The following SPN variants were observed in gnomAD, a reference collection of about 807,000 sequenced individuals.
The protein encoded by SPN is sialophorin, also known as leukosialin.
A neutral mutation model predicts 8.4 loss-of-function variants in SPN; 6 were observed. The observed-to-expected ratio is 0.72, with a 90% CI of 0.39 to 1.42. The LOEUF is 1.42. Ranked by LOEUF, SPN falls within the 40% of genes most tolerant of loss-of-function variation. The pLI, the probability that SPN is intolerant of heterozygous loss-of-function variation, is 0.02. For synonymous variants in SPN, 201 were observed against 222.6 expected, an observed-to-expected ratio of 0.90 and a Z score of 0.86; for missense variants, 517 against 530.6, an observed-to-expected ratio of 0.97 and a Z score of 0.25.
rs368719670 is a variant in SPN at position 29,664,615 on chromosome 16, G to A, written c.887G>A (p.Arg296His). The A allele has an allele frequency of 2.8e-5, 44 of 1,596,806 alleles. No homozygotes were observed. Among genetic ancestry groups the A allele is most frequent in the Non-Finnish European group, 3.2e-5 (37 of 1,171,868 alleles). The change falls in exon 2 of 2, where the codon CGT (arginine) becomes CAT (histidine). Residue 296 changes from arginine to histidine, a missense_variant. Arg to His is a conservative substitution (Grantham distance 29). Coordinates refer to ENST00000652691, the MANE Select transcript of SPN (RefSeq NM_003123.6). The surrounding 1 kb of genome is among the most constrained non-coding windows in gnomAD (Gnocchi z 6.4). ...GALVLSRGGK[R>H]NGVVDAWAGP... ...CTCGTGCTGAGCAGAGGCGGCAAGC[G>A]TAACGGGGTGGTGGACGCCTGGGCT... is the stretch of plus-strand genomic sequence containing the variant.
In SPN at chr16:29,668,567, T is replaced by C. The variant is rs934155767; in HGVS notation, c.*3636T>C. The stretch of plus-strand genomic sequence containing the variant: ...GCCTCAACCTCCTGGGCCTCCCAAG[T>C]AGCTGCGATCACAGGTGTGCACCAA... On this transcript the variant is annotated 3_prime_UTR_variant, in exon 2 of 2. Coordinates refer to ENST00000652691, the MANE Select transcript of SPN (RefSeq NM_003123.6). 6.5e-6 allele frequency: 1 copy of C among 153,758 alleles called. No individual in the cohort carries two copies. The highest frequency in any genetic ancestry group is 2.4e-5 in the African/African-American group (1 of 41,404). The allele number at this position is 153,758 out of a possible 1,614,324, so 9.5% of individuals were successfully genotyped here. A position where few individuals can be genotyped will look rare whatever the true frequency, so the allele number is the denominator to read the frequency against.
Position 29,666,641 on chromosome 16 carries a change from C to A in SPN, c.*1710C>A. On this transcript the variant is annotated 3_prime_UTR_variant, in exon 2 of 2. Transcript: ENST00000652691. ...GGGACTGGTCTGGCTGGCGCTTCCC[C>A]ACTGCACGTTTCCAGGTTTAGTTTG... 1 of 314,554 alleles carries A rather than the reference C, an allele frequency of 3.2e-6. No individual in the cohort carries two copies. The highest frequency in any genetic ancestry group is 6.7e-6 in the Non-Finnish European group (1 of 149,314). The allele number at this position is 314,554 out of a possible 1,614,324, so 19.5% of individuals were successfully genotyped here.
chr16:29,665,716 C>T lies in SPN; in HGVS notation c.*785C>T, dbSNP rs1249084187. ...TCCTAGGATTAACTTTGTAAAGCAC[C>T]CTTGCCCTGTAGCTGCAAGGGCTGT... On this transcript the variant is annotated 3_prime_UTR_variant, in exon 2 of 2. Transcript: ENST00000652691. The T allele has an allele frequency of 2.4e-5, 4 of 167,202 alleles. No individual in the cohort carries two copies. 10.4% of individuals were successfully genotyped at this position (167,202 alleles called of 1,614,324 possible).
Position 29,667,810 on chromosome 16 carries a change from CACAA to C in SPN, c.*2883_*2886del, listed in dbSNP as rs1210726255. The C allele has an allele frequency of 3.1e-5, 5 of 162,020 alleles. No homozygotes were observed. Among genetic ancestry groups the C allele is most frequent in the South Asian group, 2.1e-4 (1 of 4,820 alleles). 10.0% of individuals were successfully genotyped at this position (162,020 alleles called of 1,614,324 possible). A position where few individuals can be genotyped will look rare whatever the true frequency, so the allele number is the denominator to read the frequency against. ...ATAAATAAAATAAATAAAAGAGAGG[CACAA>C]ACAGTGTTATGAATGCACCAAGGAA... On this transcript the variant is annotated 3_prime_UTR_variant, in exon 2 of 2. Transcript: ENST00000652691.
chr16:29,666,552 A>ACCCGCGCG lies in SPN; in HGVS notation c.*1622_*1623insCCGCGCGC, dbSNP rs139174583. On this transcript the variant is annotated 3_prime_UTR_variant, in exon 2 of 2. Transcript: ENST00000652691. Reference sequence around the variant, plus strand: ...CACACACACACACACACACACACACACGCGCGCGCGCGCGCGCTCTCCTGC... The same window carrying ACCCGCGCG: ...CACACACACACACACACACACACACACCCGCGCGCGCGCGCGCGCGCGCGCTCTCCTGC... 1 of 141,258 alleles carries ACCCGCGCG rather than the reference A, an allele frequency of 7.1e-6. No homozygotes were observed. The highest frequency in any genetic ancestry group is 2.7e-4 in the South Asian group (1 of 3,696). 8.8% of individuals were successfully genotyped at this position (141,258 alleles called of 1,614,324 possible).
At position 29,664,435 on chromosome 16, in the gene SPN, C is replaced by T; in HGVS notation, c.707C>T (p.Thr236Ile). ...VKLSTMMSPT[T>I]STNASTVPFR... ...CTATCTACAATGATGTCTCCAACGA[C>T]CTCCACCAACGCAAGCACTGTGCCC... The change falls in exon 2 of 2, where the codon ACC becomes ATC. Residue 236 changes from threonine (T) to isoleucine (I), a missense_variant. Transcript: ENST00000652691. This position sits in a 1 kb window ranked among gnomAD's most constrained non-coding sequence, Gnocchi z 6.4. The T allele has an allele frequency of 6.2e-7, 1 of 1,614,204 alleles. No individual in the cohort carries two copies. Among genetic ancestry groups the T allele is most frequent in the Non-Finnish European group, 8.5e-7 (1 of 1,180,040 alleles).
At position 29,664,593 on chromosome 16, in the gene SPN, G is replaced by C; in HGVS notation, c.865G>C (p.Val289Leu). The change falls in exon 2 of 2, where the codon GTG becomes CTG. Residue 289 changes from valine to leucine, a missense_variant. By Grantham distance (32) the Val-to-Leu change is conservative. Coordinates refer to ENST00000652691, the MANE Select transcript of SPN (RefSeq NM_003123.6). The surrounding 1 kb of genome is among the most constrained non-coding windows in gnomAD (Gnocchi z 6.4). Reference protein sequence around the residue: ...RRQKRRTGALVLSRGGKRNGV... With the variant: ...RRQKRRTGALLLSRGGKRNGV... ...GCAGAAGCGGCGGACTGGGGCCCTC[G>C]TGCTGAGCAGAGGCGGCAAGCGTAA... The C allele has an allele frequency of 6.2e-7, 1 of 1,610,140 alleles. No homozygotes were observed. Among genetic ancestry groups the C allele is most frequent in the Non-Finnish European group, 8.5e-7 (1 of 1,178,394 alleles).
rs895006139 is a variant in SPN, at chr16:29,670,480, C to T, written c.*5549C>T. On this transcript the variant is annotated 3_prime_UTR_variant, in exon 2 of 2. Transcript: ENST00000652691. ...CTCTAGTCTGGGCGACAGAGCAAGACTCCGTCTTGGAAAAAAATTTAAAAA... is the reference window on the plus strand; with the variant it reads ...CTCTAGTCTGGGCGACAGAGCAAGATTCCGTCTTGGAAAAAAATTTAAAAA... 4 of 183,206 alleles carry T rather than the reference C, an allele frequency of 2.2e-5. No homozygotes were observed. In the South Asian group the frequency reaches 3.7e-4, roughly 17 times the overall value. 11.3% of individuals were successfully genotyped at this position (183,206 alleles called of 1,614,324 possible).
At position 29,667,991 on chromosome 16, in the gene SPN, C is replaced by T. The variant is rs117034506; in HGVS notation, c.*3060C>T. ...ATGTGTGTGCGCATGTGTGTGTGTG[C>T]GCGCATGTGTGTGTGCATGCATGTT... On this transcript the variant is annotated 3_prime_UTR_variant, in exon 2 of 2. Coordinates refer to ENST00000652691, the MANE Select transcript of SPN (RefSeq NM_003123.6). The T allele has an allele frequency of 8.2e-3, 1,357 of 165,962 alleles. 11 individuals carry two copies. The highest frequency in any genetic ancestry group is 0.027 in the Middle Eastern group (8 of 296). 10.3% of individuals were successfully genotyped at this position (165,962 alleles called of 1,614,324 possible).
upstream of SPN, chr16:29,663,142 T>TCGCCCAGCAGCTGTGGGAGCAGG (rs1257730330): frequency 7.1e-6 from 1 of 140,162 alleles, no homozygotes; most frequent in Non-Finnish European, 1.5e-5. This position sits in a 1 kb window ranked among gnomAD's most constrained non-coding sequence, Gnocchi z 4.3. Flanking sequence ...GGTGCTGTCT[T>TCGCCCAGCAGCTGTGGGAGCAGG]CGCCCAGCAG....
Position 29,665,009 on chromosome 16 carries a change from C to T in SPN, c.*78C>T. 1 of 1,274,828 alleles carries T rather than the reference C, an allele frequency of 7.8e-7. No individual in the cohort carries two copies. Among genetic ancestry groups the T allele is most frequent in the Non-Finnish European group, 1.0e-6 (1 of 1,003,304 alleles). 79.0% of individuals were successfully genotyped at this position (1,274,828 alleles called of 1,614,324 possible). On this transcript the variant is annotated 3_prime_UTR_variant, in exon 2 of 2. Coordinates refer to ENST00000652691, the MANE Select transcript of SPN (RefSeq NM_003123.6). ...CTTCCCTCTCACCATCCCACTGCCC[C>T]CTCGCTCCCATGTTTCCACCCGGCA...
At position 29,664,245 on chromosome 16, in the gene SPN, A is replaced by C; in HGVS notation, c.517A>C (p.Thr173Pro). The stretch of plus-strand genomic sequence containing the variant: ...CTCTGGACCCCCTCTTACCATGGCA[A>C]CTGTCTCTCTGGAGACTTCCAAAGG... ...GTSGPPLTMA[T>P]VSLETSKGTS... Residue 173 changes from threonine to proline, a missense_variant, in exon 2 of 2, where the codon ACT becomes CCT. Physicochemically the swap from Thr to Pro is conservative, Grantham distance 38. Coordinates refer to ENST00000652691, the MANE Select transcript of SPN (RefSeq NM_003123.6). The surrounding 1 kb of genome is among the most constrained non-coding windows in gnomAD (Gnocchi z 6.4). 1.2e-6 allele frequency: 2 copies of C among 1,613,462 alleles called. No individual in the cohort carries two copies. The highest frequency in any genetic ancestry group is 1.7e-6 in the Non-Finnish European group (2 of 1,179,802).
In SPN at chr16:29,670,873, A is replaced by G. The variant is rs1966851179; in HGVS notation, c.*5942A>G. The G allele has an allele frequency of 4.4e-6, 2 of 450,650 alleles. No individual in the cohort carries two copies. The highest frequency in any genetic ancestry group is 8.9e-6 in the Non-Finnish European group (2 of 223,884). 27.9% of individuals were successfully genotyped at this position (450,650 alleles called of 1,614,324 possible). A position where few individuals can be genotyped will look rare whatever the true frequency, so the allele number is the denominator to read the frequency against. ...ATATCTGTTACTTTTACAATATGAA[A>G]AAATAGTGGTCAAAAAGGTGTTCAA... On this transcript the variant is annotated 3_prime_UTR_variant, in exon 2 of 2. Coordinates refer to ENST00000652691, the MANE Select transcript of SPN (RefSeq NM_003123.6).
rs765053582 is a variant in SPN at position 29,666,568 on chromosome 16, G to GCGCGCT, written c.*1638_*1639insGCGCTC. The GCGCGCT allele has an allele frequency of 1.7e-5, 4 of 239,352 alleles. No homozygotes were observed. Among genetic ancestry groups the GCGCGCT allele is most frequent in the South Asian group, 1.4e-4 (2 of 14,670 alleles). The allele number at this position is 239,352 out of a possible 1,614,324, so 14.8% of individuals were successfully genotyped here. A position where few individuals can be genotyped will look rare whatever the true frequency, so the allele number is the denominator to read the frequency against. On this transcript the variant is annotated 3_prime_UTR_variant, in exon 2 of 2. Coordinates refer to ENST00000652691, the MANE Select transcript of SPN (RefSeq NM_003123.6). ...CACACACACACGCGCGCGCGCGCGCGCTCTCCTGCGAACAGAGGCAGGGGG... is the reference window on the plus strand; with the variant it reads ...CACACACACACGCGCGCGCGCGCGCGCGCGCTCTCTCCTGCGAACAGAGGCAGGGGG...
Position 29,663,616 on chromosome 16 carries a change from G to C in SPN, c.-34-79G>C. 1 of 1,442,000 alleles carries C rather than the reference G, an allele frequency of 6.9e-7. No individual in the cohort carries two copies. Among genetic ancestry groups the C allele is most frequent in the Non-Finnish European group, 9.2e-7 (1 of 1,082,820 alleles). 89.3% of individuals were successfully genotyped at this position (1,442,000 alleles called of 1,614,324 possible). A position where few individuals can be genotyped will look rare whatever the true frequency, so the allele number is the denominator to read the frequency against. On this transcript the variant is annotated intron_variant, in intron 1 of 1. Coordinates refer to ENST00000652691, the MANE Select transcript of SPN (RefSeq NM_003123.6). The surrounding 1 kb of genome is among the most constrained non-coding windows in gnomAD (Gnocchi z 4.3). ...GCAGGTTGGGCCTGGCCGTTGGCAG[G>C]GAAGTGGGCAGAGGGGAGGCCCGGC...
chr16:29,667,703 G>C lies in SPN; in HGVS notation c.*2772G>C, dbSNP rs1245996973. 1 of 152,244 alleles carries C rather than the reference G, an allele frequency of 6.6e-6. No individual in the cohort carries two copies. Among genetic ancestry groups the C allele is most frequent in the Admixed American group, 6.6e-5 (1 of 15,260 alleles). The allele number at this position is 152,244 out of a possible 1,614,324, so 9.4% of individuals were successfully genotyped here. ...AGGCCAGAGAATTGCTTGAACCCTG[G>C]AGTCAGAGGTTGCAGTGAGCCGGGA... On this transcript the variant is annotated 3_prime_UTR_variant, in exon 2 of 2. Transcript: ENST00000652691.
In SPN at chr16:29,670,045, A is replaced by G. The variant is rs544276397; in HGVS notation, c.*5114A>G. ...CTCTACAAAAAATTTGAAATATGAAAAATTAGCCAGGTGTAGTGGTGTGCG... is the reference window on the plus strand; with the variant it reads ...CTCTACAAAAAATTTGAAATATGAAGAATTAGCCAGGTGTAGTGGTGTGCG... On this transcript the variant is annotated 3_prime_UTR_variant, in exon 2 of 2. Transcript: ENST00000652691. 6.0e-6 allele frequency: 1 copy of G among 166,672 alleles called. No homozygotes were observed. The highest frequency in any genetic ancestry group is 6.6e-5 in the Admixed American group (1 of 15,218). The allele number at this position is 166,672 out of a possible 1,614,324, so 10.3% of individuals were successfully genotyped here.
At position 29,667,595 on chromosome 16, in the gene SPN, A is replaced by T. The variant is rs925408519; in HGVS notation, c.*2664A>T. 1 of 154,358 alleles carries T rather than the reference A, an allele frequency of 6.5e-6. No homozygotes were observed. Among genetic ancestry groups the T allele is most frequent in the Non-Finnish European group, 1.5e-5 (1 of 68,164 alleles). The allele number at this position is 154,358 out of a possible 1,614,324, so 9.6% of individuals were successfully genotyped here. On this transcript the variant is annotated 3_prime_UTR_variant, in exon 2 of 2. Coordinates refer to ENST00000652691, the MANE Select transcript of SPN (RefSeq NM_003123.6). ...GTTTGAGACCAGCCTGGCCAATATG[A>T]TGAAACCCCGTTTCTACTAAAAATA...
Position 29,666,552 on chromosome 16 carries a change from A to ACACACGCGCGCGCGCGCGCG in SPN, c.*1622_*1623insACACGCGCGCGCGCGCGCGC, listed in dbSNP as rs139174583. The ACACACGCGCGCGCGCGCGCG allele has an allele frequency of 1.4e-5, 2 of 141,258 alleles. No individual in the cohort carries two copies. Among genetic ancestry groups the ACACACGCGCGCGCGCGCGCG allele is most frequent in the South Asian group, 2.7e-4 (1 of 3,696 alleles). The allele number at this position is 141,258 out of a possible 1,614,324, so 8.8% of individuals were successfully genotyped here. A position where few individuals can be genotyped will look rare whatever the true frequency, so the allele number is the denominator to read the frequency against. On this transcript the variant is annotated 3_prime_UTR_variant, in exon 2 of 2. Coordinates refer to ENST00000652691, the MANE Select transcript of SPN (RefSeq NM_003123.6). ...CACACACACACACACACACACACAC[A>ACACACGCGCGCGCGCGCGCG]CGCGCGCGCGCGCGCGCTCTCCTGC... is the stretch of plus-strand genomic sequence containing the variant.
Sources: allele counts gnomAD v4.1 joint callset, GRCh38; gene constraint gnomAD v4.1.1; non-coding constraint Gnocchi (gnomAD v3.1); transcripts MANE v1.5; gene names NCBI Gene and HGNC (gene_info 2026-07-23, HGNC 2026-07-21).